Variants in ZSWIM5 observed in about 807,000 individuals in gnomAD.
ZSWIM5 encodes zinc finger SWIM-type containing 5, also known as zinc finger SWIM domain-containing protein 5.
In ZSWIM5, 55 loss-of-function variants were observed where a neutral mutation model predicts 119.6. That is an observed-to-expected ratio of 0.46 (90% CI 0.37 to 0.58). The LOEUF is 0.58. Ranked by LOEUF, ZSWIM5 falls within the 20% of genes least tolerant of loss-of-function variation. The pLI is 0.00. For synonymous variants in ZSWIM5, 537 were observed against 606.9 expected (o/e 0.88, Z 1.69); for missense variants, 1,193 against 1,512.8 (o/e 0.79, Z 3.51).
chr1:45,023,442 TAA>T (rs966716358), intron 11 of ZSWIM5, among the ~76,000 whole-genome samples: 12 of 151,946 alleles, frequency 7.9e-5, no homozygotes, highest in Admixed American at 2.0e-4. Flanking sequence ...AATACGCATT[TAA>T]GTTTCCTCCA....
chr1:45,184,400 G>A (rs1368879204), intron 1 of ZSWIM5, among the ~76,000 whole-genome samples: 1 of 152,156 alleles, frequency 6.6e-6, no homozygotes, highest in East Asian at 1.9e-4. Context: ...TCTGGCCAGG[G>A]CAATTAGGCA....
In ZSWIM5 at chr1:45,205,988, G is replaced by C. The variant is rs1447291197; in HGVS notation, c.363C>G (p.Pro121=). 6.9e-7 allele frequency: 1 copy of C among 1,454,848 alleles called. No individual in the cohort carries two copies. Among genetic ancestry groups the C allele is most frequent in the South Asian group, 1.5e-5 (1 of 66,876 alleles). 90.1% of individuals were successfully genotyped at this position (1,454,848 alleles called of 1,614,324 possible). A position where few individuals can be genotyped will look rare whatever the true frequency, so the allele number is the denominator to read the frequency against. ...MYSSFQYRGG[P]GAGAAGGAAG... is the part of the protein sequence containing the mutation. ...CGGCGCCGCCAGCAGCGCCGGCGCC[G>C]GGGCCGCCCCGGTACTGGAAGCTGG... is the stretch of plus-strand genomic sequence containing the variant. Residue 121 remains proline (P), a synonymous_variant, in exon 1 of 14, where the codon CCC becomes CCG. Transcript: ENST00000359600.
chr1:45,051,485 T>C (rs2148997355), intron 4 of ZSWIM5, among the ~76,000 whole-genome samples: 1 of 152,258 alleles, frequency 6.6e-6, no homozygotes, highest in East Asian at 1.9e-4. Flanking sequence ...TAAAGACAGA[T>C]TTAGGCTTGA....
intron 5 of ZSWIM5, among the ~76,000 whole-genome samples, chr1:45,044,202 A>AGAGAG (rs1553189019): frequency 1.4e-5 from 2 of 144,114 alleles, no homozygotes; most frequent in East Asian, 4.2e-4. Flanking sequence ...AAAAAAAAAA[A>AGAGAG]AGAGAGAGAG....
At chr1:45,159,296 G>C (rs990826941) in intron 1 of ZSWIM5, among the ~76,000 whole-genome samples, 22 of 151,914 alleles carry the variant, frequency 1.4e-4, no homozygotes, top group Non-Finnish European at 2.9e-5. Flanking sequence ...AAAATTTCAA[G>C]TTCTGGATCC....
chr1:45,173,522 G>A (rs1645958221), intron 1 of ZSWIM5, among the ~76,000 whole-genome samples: 1 of 151,934 alleles, frequency 6.6e-6, no homozygotes, highest in South Asian at 2.1e-4. Context: ...TAGGACTTAA[G>A]TTATCCATGC....
intron 1 of ZSWIM5, among the ~76,000 whole-genome samples, chr1:45,164,101 A>G (rs1271502722): frequency 1.3e-5 from 2 of 152,250 alleles, no homozygotes; most frequent in East Asian, 3.8e-4. Context: ...AGGGAAGCCC[A>G]TCAGACTAAC....
Position 45,018,395 on chromosome 1 carries a change from G to A in ZSWIM5, c.*59C>T. 1 of 1,576,004 alleles carries A rather than the reference G, an allele frequency of 6.3e-7. No homozygotes were observed. The highest frequency in any genetic ancestry group is 8.6e-7 in the Non-Finnish European group (1 of 1,160,980). On this transcript the variant is annotated 3_prime_UTR_variant, in exon 14 of 14. Transcript: ENST00000359600. This position sits in a 1 kb window ranked among gnomAD's most constrained non-coding sequence, Gnocchi z 6.7. ...GGTGGACAAATGTTTCAGTGCCCTT[G>A]GCCTGACCTGATACTACCTGGGAAC...
chr1:45,189,029 A>C (rs1010446834), intron 1 of ZSWIM5, among the ~76,000 whole-genome samples: 1 of 152,202 alleles, frequency 6.6e-6, no homozygotes, highest in Non-Finnish European at 1.5e-5. Context: ...AATATTTGCA[A>C]GGGACCGGGC....
rs770920828 is a variant in ZSWIM5 at position 45,205,757 on chromosome 1, G to A, written c.594C>T (p.Val198=). 2.6e-6 allele frequency: 4 copies of A among 1,565,764 alleles called. No homozygotes were observed. Among genetic ancestry groups the A allele is most frequent in the African/African-American group, 2.8e-5 (2 of 72,566 alleles). The change falls in exon 1 of 14, where the codon GTC becomes GTT. Residue 198 remains valine (V), a splice_region_variant and synonymous_variant. Coordinates refer to ENST00000359600, the MANE Select transcript of ZSWIM5 (RefSeq NM_020883.2). Reference sequence around the variant, plus strand: ...GAGAACGCCTGGACGAGCACATACCGACTTGCAGCACGTTCTCCACGGAGC... The same window carrying A: ...GAGAACGCCTGGACGAGCACATACCAACTTGCAGCACGTTCTCCACGGAGC... ...DSGSVENVLQ[V]GFHLSGTVTE... is the part of the protein sequence containing the mutation.
At chr1:45,050,027 C>A (rs1274271937) in intron 5 of ZSWIM5, among the ~76,000 whole-genome samples, 2 of 152,030 alleles carry the variant, frequency 1.3e-5, no homozygotes, top group Admixed American at 1.3e-4. Context: ...TGATTTCCTC[C>A]TTGAGACTGA....
rs1014364296 is a variant in ZSWIM5 at position 45,088,900 on chromosome 1, T to C, written c.596-663A>G. On this transcript the variant is annotated intron_variant, in intron 1 of 13. Coordinates refer to ENST00000359600, the MANE Select transcript of ZSWIM5 (RefSeq NM_020883.2). This position sits in a 1 kb window ranked among gnomAD's most constrained non-coding sequence, Gnocchi z 4.2. ...TTTGAAATGTAGGGAGAACCCATTT[T>C]TAACGTAACAAAATTAAAAGATAAA... Among the ~76,000 whole-genome samples the C allele has an allele frequency of 6.6e-6, 1 of 152,212 alleles. No homozygotes were observed. Among genetic ancestry groups the C allele is most frequent in the African/African-American group, 2.4e-5 (1 of 41,450 alleles).
At position 45,075,725 on chromosome 1, in the gene ZSWIM5, G is replaced by A. The variant is rs116354153; in HGVS notation, c.952+12156C>T. ...TTACATTCAGTGTTGTTATTGATAAGTAAGGACTTAGTCCTGCCATTTTGT... is the reference window on the plus strand; with the variant it reads ...TTACATTCAGTGTTGTTATTGATAAATAAGGACTTAGTCCTGCCATTTTGT... On this transcript the variant is annotated intron_variant, in intron 2 of 13. Transcript: ENST00000359600. Among the ~76,000 whole-genome samples, 343 of 152,156 alleles carry A rather than the reference G, an allele frequency of 2.3e-3. 2 individuals are homozygous for A. The highest frequency in any genetic ancestry group is 8.1e-3 in the African/African-American group (335 of 41,538).
At chr1:45,195,075 C>T (rs571222437) in intron 1 of ZSWIM5, among the ~76,000 whole-genome samples, 4 of 152,252 alleles carry the variant, frequency 2.6e-5, no homozygotes, top group South Asian at 2.1e-4. Context: ...TATTACAGAA[C>T]ATTGTGGTAA....
intron 1 of ZSWIM5, among the ~76,000 whole-genome samples, chr1:45,172,890 C>G (rs1645954772): frequency 6.6e-6 from 1 of 152,050 alleles, no homozygotes; most frequent in African/African-American, 2.4e-5. Flanking sequence ...TGCTGCTAGG[C>G]ATTGTGCTCA....
chr1:45,184,351 C>T (rs1193753101), intron 1 of ZSWIM5, among the ~76,000 whole-genome samples: 1 of 152,114 alleles, frequency 6.6e-6, no homozygotes, highest in Non-Finnish European at 1.5e-5. Flanking sequence ...GACAGGGATG[C>T]CCTCTCTCAC....
At chr1:45,205,719 A>G in intron 1 of ZSWIM5, 37 bp downstream of exon 1, 1 of 1,503,610 alleles carries the variant, frequency 6.7e-7, no homozygotes, top group Non-Finnish European at 8.9e-7. Flanking sequence ...GCGGAAGAGG[A>G]GGCTGAGGAC....
chr1:45,181,403 A>G (rs1646017833), intron 1 of ZSWIM5, among the ~76,000 whole-genome samples: 1 of 152,048 alleles, frequency 6.6e-6, no homozygotes, highest in South Asian at 2.1e-4. Flanking sequence ...AAAAAGAAAC[A>G]AACAAAGCCT....
At chr1:45,169,137 C>G (rs116719431) in intron 1 of ZSWIM5, among the ~76,000 whole-genome samples, 1 of 151,898 alleles carries the variant, frequency 6.6e-6, no homozygotes, top group African/African-American at 2.4e-5. Context: ...TTCCTTTATA[C>G]GTTCTTTTAC....
Sources: allele counts gnomAD v4.1 joint callset (sites outside exome capture counted in the v4.1 genomes callset), GRCh38; gene constraint gnomAD v4.1.1; non-coding constraint Gnocchi (gnomAD v3.1); transcripts MANE v1.5; gene names NCBI Gene and HGNC (gene_info 2026-07-23, HGNC 2026-07-21).